SETMAR: variants seen among roughly 807,000 people sequenced by gnomAD.
SETMAR encodes histone-lysine N-methyltransferase SETMAR.
A neutral mutation model predicts 58.4 loss-of-function variants in SETMAR; 44 were observed. That is an observed-to-expected ratio of 0.75 (90% CI 0.59 to 0.97). The LOEUF (loss-of-function observed/expected upper bound fraction) is 0.97. Among genes scored for constraint, SETMAR ranks in the 50% least tolerant of loss-of-function variants. The pLI, the probability that SETMAR is intolerant of heterozygous loss-of-function variation, is 0.00. For missense variants in SETMAR, 903 were observed against 840.2 expected, an observed-to-expected ratio of 1.07 and a Z score of -0.92; for synonymous variants, 332 against 307.4, an observed-to-expected ratio of 1.08 and a Z score of -0.84.
intron 1 of SETMAR, among the ~76,000 whole-genome samples, chr3:4,304,296 C>T (rs1337886503): frequency 6.6e-6 from 1 of 152,274 alleles, no homozygotes. Context: ...CATGGGCCAC[C>T]ACGCCCGGCT....
intron 1 of SETMAR, among the ~76,000 whole-genome samples, chr3:4,306,660 C>T (rs546825247): frequency 2.6e-5 from 4 of 152,238 alleles, no homozygotes; most frequent in Non-Finnish European, 5.9e-5. Flanking sequence ...GCATTCAACT[C>T]GTTTTCTTCC....
At chr3:4,313,958 C>G (rs1001205827) in intron 2 of SETMAR, 197 bp downstream of exon 2, 38 of 974,246 alleles carry the variant, frequency 3.9e-5, no homozygotes, top group Non-Finnish European at 5.6e-5. Flanking sequence ...AGAATACTCA[C>G]TTTCCTAGTT....
At chr3:4,305,822 T>C (rs770927141) in intron 1 of SETMAR, among the ~76,000 whole-genome samples, 1 of 152,006 alleles carries the variant, frequency 6.6e-6, no homozygotes, top group Non-Finnish European at 1.5e-5. Flanking sequence ...CCTCAAAGAG[T>C]AGAATAAGAT....
At chr3:4,312,216 G>A (rs1698433475) in intron 1 of SETMAR, among the ~76,000 whole-genome samples, 1 of 151,840 alleles carries the variant, frequency 6.6e-6, no homozygotes, top group African/African-American at 2.4e-5. Flanking sequence ...CAGTATCTGA[G>A]GTAACCCACA....
In SETMAR at chr3:4,317,046, C is replaced by CT; in HGVS notation, c.1856dup (p.Pro621AlafsTer8). Reference sequence around the variant, plus strand: ...GCCTCATCCACCGTATTCACCTGACCTCTTGCCAACCAACTACCACGTCTT... The same window carrying CT: ...GCCTCATCCACCGTATTCACCTGACCTTCTTGCCAACCAACTACCACGTCTT... On this transcript the variant is annotated frameshift_variant, in exon 3 of 3. Transcript: ENST00000358065. LOFTEE classifies it high-confidence loss of function. 1 of 1,549,346 alleles carries CT rather than the reference C, an allele frequency of 6.5e-7. No individual in the cohort carries two copies. Among genetic ancestry groups the CT allele is most frequent in the Non-Finnish European group, 8.7e-7 (1 of 1,146,702 alleles).
chr3:4,316,716 G>T lies in SETMAR; in HGVS notation c.1525G>T (p.Ala509Ser). 4 of 1,550,960 alleles carry T rather than the reference G, an allele frequency of 2.6e-6. No individual in the cohort carries two copies. The highest frequency in any genetic ancestry group is 3.5e-6 in the Non-Finnish European group (4 of 1,146,770). ...TTTATATGACAACCGGCGACGATCA[G>T]CTCAGTGGTTGGATCAAGAAGAAGC... ...WILYDNRRRS[A>S]QWLDQEEAPK... Residue 509 changes from alanine (A) to serine (S), a missense_variant, in exon 3 of 3, where the codon GCT becomes TCT. By Grantham distance (99) the Ala-to-Ser change is moderately conservative. Coordinates refer to ENST00000358065, the MANE Select transcript of SETMAR (RefSeq NM_006515.4).
chr3:4,304,388 C>T (rs1253984192), intron 1 of SETMAR, among the ~76,000 whole-genome samples: 1 of 152,158 alleles, frequency 6.6e-6, no homozygotes. Context: ...GTGATCCGCC[C>T]GCCTCGGCCT....
chr3:4,305,989 G>T (rs1698172477), intron 1 of SETMAR, among the ~76,000 whole-genome samples: 1 of 152,190 alleles, frequency 6.6e-6, no homozygotes, highest in African/African-American at 2.4e-5. Context: ...AAAAACCACT[G>T]TTCTAGTCCA....
chr3:4,308,286 CCTACTATGCACTACCTG>C (rs2125083525), intron 1 of SETMAR, among the ~76,000 whole-genome samples: 1 of 152,232 alleles, frequency 6.6e-6, no homozygotes, highest in South Asian at 2.1e-4. Context: ...TCTTCACTAC[CCTACTATGCACTACCTG>C]CAAAATTTTT....
chr3:4,316,046 C>CAAAAAA (rs774059331), intron 2 of SETMAR, among the ~76,000 whole-genome samples, 166 bp from the exon 3 acceptor site: 2 of 76,868 alleles, frequency 2.6e-5, no homozygotes, highest in African/African-American at 4.4e-5. Flanking sequence ...GACTCTGTCT[C>CAAAAAA]AAAAAAAAAA....
rs541797166 is a variant in SETMAR at position 4,314,569 on chromosome 3, T to G, written c.1020+808T>G. Among the ~76,000 whole-genome samples the G allele has an allele frequency of 1.5e-4, 8 of 52,440 alleles. No individual in the cohort carries two copies. The East Asian group carries it at 1.6e-3, about 11-fold the overall frequency. 34.4% of individuals were successfully genotyped at this position (52,440 alleles called of 152,430 possible). ...CAGAAAAAGAGACACATTGTAAATT[T>G]TTCATTTTCATTATATACTTGGCTG... On this transcript the variant is annotated intron_variant, in intron 2 of 2. Transcript: ENST00000358065.
chr3:4,312,980 C>T lies in SETMAR; in HGVS notation c.239C>T (p.Thr80Ile), dbSNP rs769930559. Reference sequence around the variant, plus strand: ...TTTCCCGGATGCATTTGTGTCAAAACTCCCTGCCTCCCTGGCACTTGCTCC... The same window carrying T: ...TTTCCCGGATGCATTTGTGTCAAAATTCCCTGCCTCCCTGGCACTTGCTCC... ...ITFPGCICVK[T>I]PCLPGTCSCL... Residue 80 changes from threonine to isoleucine, a missense_variant, in exon 2 of 3, where the codon ACT becomes ATT. Physicochemically the swap from Thr to Ile is moderately conservative, Grantham distance 89. Coordinates refer to ENST00000358065, the MANE Select transcript of SETMAR (RefSeq NM_006515.4). The T allele has an allele frequency of 1.9e-6, 3 of 1,614,006 alleles. No homozygotes were observed. The South Asian group carries it at 3.3e-5, about 18-fold the overall frequency.
intron 2 of SETMAR, 70 bp from the exon 3 acceptor site, chr3:4,316,142 C>T (rs113151330): frequency 0.11 from 67,775 of 613,232 alleles, 4,351 homozygotes; most frequent in Non-Finnish European, 0.13. Context: ...ATGTTATACA[C>T]CATTTTAATG....
intron 2 of SETMAR, among the ~76,000 whole-genome samples, chr3:4,315,826 C>T (rs1439074005): frequency 6.6e-6 from 1 of 151,970 alleles, no homozygotes; most frequent in Non-Finnish European, 1.5e-5. Context: ...GCAGGCAGAA[C>T]ACTTGAGCTT....
intron 2 of SETMAR, among the ~76,000 whole-genome samples, chr3:4,314,952 T>G (rs886407340): frequency 6.6e-6 from 1 of 152,206 alleles, no homozygotes; most frequent in Non-Finnish European, 1.5e-5. Context: ...TCCTCTGTAA[T>G]ATAAGTACAT....
intron 2 of SETMAR, among the ~76,000 whole-genome samples, chr3:4,315,533 A>T (rs1698601709): frequency 6.6e-6 from 1 of 152,144 alleles, no homozygotes; most frequent in South Asian, 2.1e-4. Context: ...CTAGTTTATT[A>T]TATAGCACTT....
intron 1 of SETMAR, chr3:4,303,874 A>C: frequency 7.7e-7 from 1 of 1,293,720 alleles, no homozygotes; most frequent in Non-Finnish European, 1.0e-6. Context: ...CACAGGTAGG[A>C]TAAGCCGTGG....
rs753367103 is a variant in SETMAR at position 4,312,941 on chromosome 3, C to T, written c.200C>T (p.Pro67Leu). The stretch of plus-strand genomic sequence containing the variant: ...GTTGGACCTGGAGCAGACATTGATC[C>T]CACTCAAATAACCTTTCCCGGATGC... ...HVVGPGADID[P>L]TQITFPGCIC... The change falls in exon 2 of 3, where the codon CCC becomes CTC. Residue 67 changes from proline to leucine, a missense_variant. Pro to Leu is a moderately conservative substitution (Grantham distance 98, BLOSUM62 -3). Coordinates refer to ENST00000358065, the MANE Select transcript of SETMAR (RefSeq NM_006515.4). 3 of 1,613,528 alleles carry T rather than the reference C, an allele frequency of 1.9e-6. No homozygotes were observed. In the East Asian group the frequency reaches 6.7e-5, roughly 36 times the overall value.
chr3:4,311,887 G>A (rs1698419585), intron 1 of SETMAR, among the ~76,000 whole-genome samples: 1 of 152,216 alleles, frequency 6.6e-6, no homozygotes, highest in South Asian at 2.1e-4. Context: ...GGGTTCATGA[G>A]AGATACTTTA....
Sources: allele counts gnomAD v4.1 joint callset (sites outside exome capture counted in the v4.1 genomes callset), GRCh38; gene constraint gnomAD v4.1.1; transcripts MANE v1.5; gene names NCBI Gene and HGNC (gene_info 2026-07-23, HGNC 2026-07-21).